Variants in ACTN2 observed in about 807,000 individuals in gnomAD.
ACTN2 encodes the protein alpha-actinin-2.
ACTN2 carries 39 observed loss-of-function variants against 113.8 expected under a neutral mutation model. The ratio of observed to expected loss-of-function variants is 0.34; its 90% CI spans 0.27 to 0.45. ACTN2 has a LOEUF of 0.45. Ranked by LOEUF, ACTN2 falls within the 20% of genes least tolerant of loss-of-function variation. The pLI is 1.00. For missense variants in ACTN2, 992 were observed against 1,177.9 expected (o/e 0.84, Z 2.31); for synonymous variants, 429 against 444.1 (o/e 0.97, Z 0.43).
At position 236,749,200 on chromosome 1, in the gene ACTN2, G is replaced by A. The variant is rs1275318751; in HGVS notation, c.1592G>A (p.Trp531Ter). The A allele has an allele frequency of 6.2e-7, 1 of 1,614,056 alleles. No homozygotes were observed. The highest frequency in any genetic ancestry group is 8.5e-7 in the Non-Finnish European group (1 of 1,180,032). Reference sequence around the variant, plus strand: ...AAGAGGGCTGCTCCTTTCAACAATTGGATGGAGGGCGCTATGGAGGATCTG... The same window carrying A: ...AAGAGGGCTGCTCCTTTCAACAATTAGATGGAGGGCGCTATGGAGGATCTG... ...FAKRAAPFNN[W>*]MEGAMEDLQD... Residue 531 changes from tryptophan to a stop codon, truncating the protein, a stop_gained, in exon 14 of 21, where the codon TGG (tryptophan) becomes TAG (stop). Coordinates refer to ENST00000366578, the MANE Select transcript of ACTN2 (RefSeq NM_001103.4). LOFTEE classifies it high-confidence loss of function.
At chr1:236,712,152 G>A (rs994749765) in intron 1 of ACTN2, among the ~76,000 whole-genome samples, 3 of 152,210 alleles carry the variant, frequency 2.0e-5, no homozygotes, top group African/African-American at 7.2e-5. Context: ...CGGCTCAAAT[G>A]TGTGGGGTTT....
At chr1:236,690,510 C>T (rs1666043009) in intron 1 of ACTN2, among the ~76,000 whole-genome samples, 1 of 152,210 alleles carries the variant, frequency 6.6e-6, no homozygotes, top group Non-Finnish European at 1.5e-5. Flanking sequence ...TCAATTTCTT[C>T]ACCTAGAAAA....
At chr1:236,706,644 G>A (rs1314999121) in intron 1 of ACTN2, among the ~76,000 whole-genome samples, 1 of 152,120 alleles carries the variant, frequency 6.6e-6, no homozygotes. Flanking sequence ...ATATTTCAGT[G>A]TCTATATCAA....
At position 236,709,316 on chromosome 1, in the gene ACTN2, GTA is replaced by G. The variant is rs1174547147; in HGVS notation, c.127-8533_127-8532del. 5.8e-5 allele frequency among the ~76,000 whole-genome samples: 6 copies of G among 103,878 alleles called. No homozygotes were observed. In the South Asian group the frequency reaches 9.1e-4, roughly 16 times the overall value. 68.1% of individuals were successfully genotyped at this position (103,878 alleles called of 152,430 possible). On this transcript the variant is annotated intron_variant, in intron 1 of 20. Coordinates refer to ENST00000366578, the MANE Select transcript of ACTN2 (RefSeq NM_001103.4). ...TATATATGTATATATACGTATATAT[GTA>G]TATATATACATGTATATATATACGT...
chr1:236,733,941 G>A (rs145152232), intron 7 of ACTN2, among the ~76,000 whole-genome samples: 1 of 152,274 alleles, frequency 6.6e-6, no homozygotes, highest in East Asian at 1.9e-4. Flanking sequence ...TATCTACTGT[G>A]CTTTTACAAG....
intron 20 of ACTN2, 56 bp from the exon 21 acceptor site, chr1:236,762,405 G>A: frequency 6.2e-7 from 1 of 1,605,648 alleles, no homozygotes; most frequent in Non-Finnish European, 8.5e-7. Context: ...TATTAAGACT[G>A]TTTATGTTGT....
At chr1:236,723,377 C>A (rs1572117714) in intron 4 of ACTN2, among the ~76,000 whole-genome samples, 1 of 152,156 alleles carries the variant, frequency 6.6e-6, no homozygotes, top group East Asian at 1.9e-4. Flanking sequence ...AGTTATAGCA[C>A]ATGGAACTTT....
At chr1:236,717,308 A>G (rs1658249158) in intron 1 of ACTN2, among the ~76,000 whole-genome samples, 1 of 151,982 alleles carries the variant, frequency 6.6e-6, no homozygotes, top group Admixed American at 6.6e-5. Flanking sequence ...GTGGTCGTGC[A>G]TGCCTATAGT....
intron 19 of ACTN2, 59 bp from the exon 20 acceptor site, chr1:236,760,956 C>T (rs995458935): frequency 5.4e-5 from 87 of 1,606,470 alleles, no homozygotes; most frequent in South Asian, 3.1e-4. Context: ...AGAATGAAAA[C>T]GGCTCTGTTG....
chr1:236,718,218 AAG>A (rs1199611873), intron 2 of ACTN2, among the ~76,000 whole-genome samples: 2 of 152,252 alleles, frequency 1.3e-5, no homozygotes, highest in East Asian at 1.9e-4. Flanking sequence ...GAAACAAAAT[AAG>A]AGAAGAAAAA....
intron 19 of ACTN2, among the ~76,000 whole-genome samples, chr1:236,760,785 A>C (rs1659681588): frequency 1.3e-5 from 2 of 152,220 alleles, no homozygotes; most frequent in Non-Finnish European, 2.9e-5. Context: ...AAGACTTCTG[A>C]CATTTACAAG....
intron 1 of ACTN2, among the ~76,000 whole-genome samples, chr1:236,716,671 T>C (rs1176995381): frequency 8.5e-5 from 13 of 152,048 alleles, no homozygotes; most frequent in Non-Finnish European, 7.4e-5. Flanking sequence ...TTTTCAATGA[T>C]AGACTATACT....
intron 1 of ACTN2, among the ~76,000 whole-genome samples, chr1:236,692,216 A>G (rs191377991): frequency 1.8e-4 from 28 of 152,364 alleles, no homozygotes; most frequent in Admixed American, 2.6e-4. Flanking sequence ...GAGGGATTAT[A>G]CGAAGTATTA....
At chr1:236,745,500 C>T (rs934796873) in intron 12 of ACTN2, among the ~76,000 whole-genome samples, 1 of 152,298 alleles carries the variant, frequency 6.6e-6, no homozygotes. Context: ...GCAGAAGAGA[C>T]GTCAGGACCC....
intron 1 of ACTN2, among the ~76,000 whole-genome samples, chr1:236,712,633 T>A (rs1160498341): frequency 6.6e-6 from 1 of 152,150 alleles, no homozygotes; most frequent in Non-Finnish European, 1.5e-5. Flanking sequence ...CACTCCAGCC[T>A]GGGTGACAGA....
chr1:236,686,574 C>T lies in ACTN2; in HGVS notation c.-100C>T. The T allele has an allele frequency of 2.3e-6, 3 of 1,315,946 alleles. No homozygotes were observed. The highest frequency in any genetic ancestry group is 1.7e-5 in the African/African-American group (1 of 59,364). The allele number at this position is 1,315,946 out of a possible 1,614,324, so 81.5% of individuals were successfully genotyped here. A position where few individuals can be genotyped will look rare whatever the true frequency, so the allele number is the denominator to read the frequency against. ...GGAGCCGCGCGAAGGTCACCCCGCG[C>T]CCGCCGCCCGCCGCCCGCCGCCTCC... On this transcript the variant is annotated 5_prime_UTR_variant, in exon 1 of 21. Transcript: ENST00000366578.
rs1287184716 is a variant in ACTN2 at position 236,764,292 on chromosome 1, C to G, written c.*1673C>G. On this transcript the variant is annotated 3_prime_UTR_variant, in exon 21 of 21. Coordinates refer to ENST00000366578, the MANE Select transcript of ACTN2 (RefSeq NM_001103.4). ...TTGGGGTGGTTTAGATGAACTCTGACTCTATTTTATTTCAAGTAGGTGCTA... is the reference window on the plus strand; with the variant it reads ...TTGGGGTGGTTTAGATGAACTCTGAGTCTATTTTATTTCAAGTAGGTGCTA... The G allele has an allele frequency of 6.6e-6, 1 of 152,086 alleles. No homozygotes were observed. Among genetic ancestry groups the G allele is most frequent in the Non-Finnish European group, 1.5e-5 (1 of 68,020 alleles). 9.4% of individuals were successfully genotyped at this position (152,086 alleles called of 1,614,324 possible). A position where few individuals can be genotyped will look rare whatever the true frequency, so the allele number is the denominator to read the frequency against.
At chr1:236,727,868 C>T (rs911021827) in intron 6 of ACTN2, 112 bp downstream of exon 6, 30 of 1,010,466 alleles carry the variant, frequency 3.0e-5, no homozygotes, top group African/African-American at 1.9e-4. Context: ...CCTGCAGAAA[C>T]GGCCACCAGG....
At chr1:236,724,384 A>G (rs1030970395) in intron 4 of ACTN2, among the ~76,000 whole-genome samples, 2 of 152,238 alleles carry the variant, frequency 1.3e-5, no homozygotes, top group Non-Finnish European at 2.9e-5. Flanking sequence ...GAAGACACCA[A>G]CATTGAGGCC....
Sources: allele counts gnomAD v4.1 joint callset (sites outside exome capture counted in the v4.1 genomes callset), GRCh38; gene constraint gnomAD v4.1.1; transcripts MANE v1.5; gene names NCBI Gene and HGNC (gene_info 2026-07-23, HGNC 2026-07-21).